Variants in HDAC5 observed in about 807,000 individuals in gnomAD.
HDAC5 encodes the protein antigen NY-CO-9.
In HDAC5, 25 loss-of-function variants were observed where a neutral mutation model predicts 133.3. The ratio of observed to expected loss-of-function variants is 0.19; its 90% confidence interval spans 0.14 to 0.26. The LOEUF (loss-of-function observed/expected upper bound fraction) is 0.26. HDAC5 is among the 10% of genes least tolerant of loss of function. HDAC5 has a pLI of 1.00. For synonymous variants in HDAC5, 589 were observed against 610.8 expected (o/e 0.96, Z 0.53); for missense variants, 1,041 against 1,460.5 (o/e 0.71, Z 4.68).
intron 8 of HDAC5, 26 bp from the exon 9 acceptor site, chr17:44,092,310 G>A (rs1460158347): frequency 1.2e-6 from 2 of 1,613,340 alleles, no homozygotes; most frequent in Admixed American, 1.7e-5. Context: ...CTGTCACCTG[G>A]GCCTGCTGTG....
rs1043543025 is a variant in HDAC5 at position 44,101,107 on chromosome 17, TA to T, written c.95-7274del. Among the ~76,000 whole-genome samples, 195 of 149,662 alleles carry T rather than the reference TA, an allele frequency of 1.3e-3. 1 individual carries two copies. Among genetic ancestry groups the T allele is most frequent in the African/African-American group, 4.5e-3 (184 of 41,116 alleles). On this transcript the variant is annotated intron_variant, in intron 3 of 26. Coordinates refer to ENST00000682912, the MANE Select transcript of HDAC5 (RefSeq NM_005474.5). ...CCTGGCCTAAAATAAAATTAATTTT[TA>T]AAAAGACCCTGCTCCAGCCGGGCAC...
At position 44,078,214 on chromosome 17, in the gene HDAC5, G is replaced by A; in HGVS notation, c.*162C>T. 1 of 642,814 alleles carries A rather than the reference G, an allele frequency of 1.6e-6. No homozygotes were observed. Among genetic ancestry groups the A allele is most frequent in the South Asian group, 2.8e-5 (1 of 35,546 alleles). The allele number at this position is 642,814 out of a possible 1,614,324, so 39.8% of individuals were successfully genotyped here. On this transcript the variant is annotated 3_prime_UTR_variant, in exon 27 of 27. Coordinates refer to ENST00000682912, the MANE Select transcript of HDAC5 (RefSeq NM_005474.5). ...GGGAGCAGGCTTCTAGAGCTGAGGT[G>A]GAAGCCACAGGGCTGGGGGCCTGAG...
chr17:44,113,229 G>T (rs1319813950), intron 2 of HDAC5, among the ~76,000 whole-genome samples: 2 of 152,140 alleles, frequency 1.3e-5, no homozygotes, highest in Non-Finnish European at 2.9e-5. Flanking sequence ...CAAAAGCAGG[G>T]CCCCCAGAAC....
rs869274112 is a variant in HDAC5 at position 44,100,578 on chromosome 17, CAAAAA to C, written c.95-6749_95-6745del. Among the ~76,000 whole-genome samples, 419 of 89,376 alleles carry C rather than the reference CAAAAA, an allele frequency of 4.7e-3. 2 individuals are homozygous for C. The highest frequency in any genetic ancestry group is 0.018 in the Middle Eastern group (3 of 164). The allele number at this position is 89,376 out of a possible 152,430, so 58.6% of individuals were successfully genotyped here. On this transcript the variant is annotated intron_variant, in intron 3 of 26. Transcript: ENST00000682912. ...TGAAACCCCGTCTCTACTAAAGATACAAAAAAAAAAAAAAAAAAAAAAATTAGCTG... is the reference window on the plus strand; with the variant it reads ...TGAAACCCCGTCTCTACTAAAGATACAAAAAAAAAAAAAAAAAATTAGCTG...
rs550878219 is a variant in HDAC5, at chr17:44,102,971, T to A, written c.94+7758A>T. On this transcript the variant is annotated intron_variant, in intron 3 of 26. Transcript: ENST00000682912. ...CTTGAGCTACCGCCCCCGGCCCAGG[T>A]TCCCTTTATTTAAGAGACAGCCCTA... Among the ~76,000 whole-genome samples the A allele has an allele frequency of 9.2e-5, 14 of 152,106 alleles. No individual in the cohort carries two copies. In the East Asian group the frequency reaches 2.3e-3, roughly 25 times the overall value.
rs2050205328 is a variant in HDAC5, at chr17:44,078,295, T to C, written c.*81A>G. 3 of 1,395,606 alleles carry C rather than the reference T, an allele frequency of 2.1e-6. No homozygotes were observed. Among genetic ancestry groups the C allele is most frequent in the Non-Finnish European group, 2.9e-6 (3 of 1,047,466 alleles). 86.5% of individuals were successfully genotyped at this position (1,395,606 alleles called of 1,614,324 possible). On this transcript the variant is annotated 3_prime_UTR_variant, in exon 27 of 27. Coordinates refer to ENST00000682912, the MANE Select transcript of HDAC5 (RefSeq NM_005474.5). ...GAGAGACCCACACGGCACACCTTGT[T>C]GAATGTGTGACTTTTTGTTTTTAAT...
chr17:44,083,887 G>A, intron 16 of HDAC5, 33 bp from the exon 17 acceptor site: 2 of 1,600,044 alleles, frequency 1.2e-6, no homozygotes, highest in Non-Finnish European at 1.7e-6. Flanking sequence ...TACTCTAGAA[G>A]TGGCCTCGGG....
At position 44,078,300 on chromosome 17, in the gene HDAC5, G is replaced by A. The variant is rs535054688; in HGVS notation, c.*76C>T. Reference sequence around the variant, plus strand: ...ACCCACACGGCACACCTTGTTGAATGTGTGACTTTTTGTTTTTAATAGAAA... The same window carrying A: ...ACCCACACGGCACACCTTGTTGAATATGTGACTTTTTGTTTTTAATAGAAA... On this transcript the variant is annotated 3_prime_UTR_variant, in exon 27 of 27. Transcript: ENST00000682912. 1.2e-5 allele frequency: 17 copies of A among 1,428,032 alleles called. No individual in the cohort carries two copies. In the Admixed American group the frequency reaches 4.0e-4, roughly 33 times the overall value. The allele number at this position is 1,428,032 out of a possible 1,614,324, so 88.5% of individuals were successfully genotyped here.
At position 44,082,714 on chromosome 17, in the gene HDAC5, A is replaced by G. The variant is rs747949588; in HGVS notation, c.2520-42T>C. ...AGGGCAGGAGGTCAGCCTCAGCATG[A>G]CGTTTGCAAGAGACAGGAAGGGGCG... is the stretch of plus-strand genomic sequence containing the variant. On this transcript the variant is annotated intron_variant, in intron 19 of 26. Coordinates refer to ENST00000682912, the MANE Select transcript of HDAC5 (RefSeq NM_005474.5). 3 of 1,611,522 alleles carry G rather than the reference A, an allele frequency of 1.9e-6. No individual in the cohort carries two copies. In the East Asian group the frequency reaches 6.7e-5, roughly 36 times the overall value.
At chr17:44,090,242 A>G (rs2050876509) in intron 11 of HDAC5, among the ~76,000 whole-genome samples, 1 of 152,006 alleles carries the variant, frequency 6.6e-6, no homozygotes, top group South Asian at 2.1e-4. Context: ...CGAAAAAAAG[A>G]CCAGCCTGGG....
rs1447228223 is a variant in HDAC5 at position 44,119,994 on chromosome 17, C to T, written c.-189-2290G>A. The T allele has an allele frequency of 2.6e-5, 4 of 152,380 alleles. No individual in the cohort carries two copies. In the East Asian group the frequency reaches 5.8e-4, roughly 22 times the overall value. The allele number at this position is 152,380 out of a possible 1,614,324, so 9.4% of individuals were successfully genotyped here. Reference sequence around the variant, plus strand: ...ACTCTTTCTTCCAGACAGACCCCTACCCCACTCCGGGATCCAAAACCACCT... The same window carrying T: ...ACTCTTTCTTCCAGACAGACCCCTATCCCACTCCGGGATCCAAAACCACCT... On this transcript the variant is annotated intron_variant, in intron 1 of 26. Coordinates refer to ENST00000682912, the MANE Select transcript of HDAC5 (RefSeq NM_005474.5).
chr17:44,114,722 A>AGT (rs1258450231), intron 2 of HDAC5, among the ~76,000 whole-genome samples: 1 of 152,220 alleles, frequency 6.6e-6, no homozygotes, highest in Non-Finnish European at 1.5e-5. Flanking sequence ...GGTTGGGCCG[A>AGT]GTCTGAGCTG....
intron 2 of HDAC5, among the ~76,000 whole-genome samples, chr17:44,114,620 C>T (rs2052546596): frequency 2.0e-5 from 3 of 152,192 alleles, no homozygotes; most frequent in South Asian, 2.1e-4. Flanking sequence ...CACAGTGGGC[C>T]TCACTCTTGC....
At chr17:44,106,035 A>C (rs1306876430) in intron 3 of HDAC5, among the ~76,000 whole-genome samples, 3 of 152,218 alleles carry the variant, frequency 2.0e-5, no homozygotes, top group Non-Finnish European at 2.9e-5. Context: ...TGATGCGACC[A>C]AAAGTTTGAG....
At position 44,087,463 on chromosome 17, in the gene HDAC5, ACTCTCGCCCTCCTCG is replaced by A; in HGVS notation, c.1818_1832del (p.Glu607_Ser611del). The A allele has an allele frequency of 1.4e-6, 2 of 1,470,418 alleles. No individual in the cohort carries two copies. Among genetic ancestry groups the A allele is most frequent in the South Asian group, 2.3e-5 (2 of 88,230 alleles). The allele number at this position is 1,470,418 out of a possible 1,614,324, so 91.1% of individuals were successfully genotyped here. ...CCAAGTCGGGCCCCTCCTCAGCACC[ACTCTCGCCCTCCTCG>A]TCCTTAACCTGGATGCAATCCTCCT... On this transcript the variant is annotated inframe_deletion, in exon 13 of 27. Coordinates refer to ENST00000682912, the MANE Select transcript of HDAC5 (RefSeq NM_005474.5).
chr17:44,105,600 C>T (rs941585525), intron 3 of HDAC5, among the ~76,000 whole-genome samples: 6 of 152,238 alleles, frequency 3.9e-5, no homozygotes, highest in African/African-American at 1.4e-4. Flanking sequence ...GGGTGTCCAG[C>T]AGGGCACCCT....
At chr17:44,090,220 G>A (rs1292834409) in intron 11 of HDAC5, among the ~76,000 whole-genome samples, 7 of 151,800 alleles carry the variant, frequency 4.6e-5, no homozygotes, top group Non-Finnish European at 5.9e-5. Flanking sequence ...GCAACAGAGC[G>A]AGACTCAGTC....
At chr17:44,079,346 G>A in intron 23 of HDAC5, 69 bp from the exon 24 acceptor site, 2 of 1,539,370 alleles carry the variant, frequency 1.3e-6, no homozygotes, top group Admixed American at 1.9e-5. Flanking sequence ...GAGCCAGTAA[G>A]AGGAGAGAAA....
chr17:44,122,885 G>T (rs554797072), intron 1 of HDAC5, among the ~76,000 whole-genome samples: 1 of 152,350 alleles, frequency 6.6e-6, no homozygotes, highest in South Asian at 2.1e-4. Flanking sequence ...TGGCTCCAAG[G>T]TGTCAGACAG....
Sources: gnomAD v4.1 joint callset for allele counts (sites outside exome capture counted in the v4.1 genomes callset) on GRCh38, gnomAD v4.1.1 for gene constraint, MANE v1.5 for transcripts, NCBI Gene and HGNC (gene_info 2026-07-23, HGNC 2026-07-21) for gene names.